ZNF160: variants seen among roughly 807,000 people sequenced by gnomAD.
The protein encoded by ZNF160 is zinc finger protein 160.
In ZNF160, 9 loss-of-function variants were observed where a neutral mutation model predicts 13.1. The ratio of observed to expected loss-of-function variants is 0.69; its 90% CI spans 0.41 to 1.20. The LOEUF is 1.20. Ranked by LOEUF, ZNF160 falls within the 50% of genes most tolerant of loss-of-function variation. The pLI, the probability that ZNF160 is intolerant of heterozygous loss-of-function variation, is 0.01. For synonymous variants in ZNF160, 293 were observed against 333.2 expected (o/e 0.88, Z 1.31); for missense variants, 838 against 988.0 (o/e 0.85, Z 2.04).
intron 5 of ZNF160, chr19:53,073,455 T>C (rs1410781902): frequency 6.3e-7 from 1 of 1,598,204 alleles, no homozygotes; most frequent in Non-Finnish European, 8.5e-7. Flanking sequence ...TCCATGAGGT[T>C]TGGGGCAGCA....
intron 3 of ZNF160, among the ~76,000 whole-genome samples, chr19:53,080,455 G>A (rs2084588163): frequency 6.6e-6 from 1 of 152,104 alleles, no homozygotes; most frequent in South Asian, 2.1e-4. Context: ...ACATCATCAA[G>A]AATGCAATCC....
chr19:53,092,871 T>C (rs906812940), intron 1 of ZNF160, among the ~76,000 whole-genome samples: 2 of 152,204 alleles, frequency 1.3e-5, no homozygotes, highest in African/African-American at 4.8e-5. Context: ...ATATGGTGTC[T>C]GGGATAGATT....
At chr19:53,097,876 TG>T (rs1276074105) in intron 1 of ZNF160, among the ~76,000 whole-genome samples, 1 of 152,118 alleles carries the variant, frequency 6.6e-6, no homozygotes, top group African/African-American at 2.4e-5. Flanking sequence ...GCGGATGCTG[TG>T]GAGCAGCTCT....
intron 1 of ZNF160, among the ~76,000 whole-genome samples, chr19:53,097,284 C>T (rs2085272766): frequency 7.2e-6 from 1 of 139,860 alleles, no homozygotes; most frequent in African/African-American, 2.8e-5. Context: ...AAATCTTTCC[C>T]TTACTCTGGG....
Position 53,075,371 on chromosome 19 carries a change from A to G in ZNF160, c.16-188T>C, listed in dbSNP as rs954799613. Reference sequence around the variant, plus strand: ...TCTCCTGACATAAGAGCTCACTTGAAATCAGTGGAGTGATAAGTATCTTTT... The same window carrying G: ...TCTCCTGACATAAGAGCTCACTTGAGATCAGTGGAGTGATAAGTATCTTTT... On this transcript the variant is annotated intron_variant, in intron 3 of 5. Coordinates refer to ENST00000683776, the MANE Select transcript of ZNF160 (RefSeq NM_001322131.2). 6.3e-6 allele frequency: 4 copies of G among 639,886 alleles called. No homozygotes were observed. In the East Asian group the frequency reaches 1.2e-4, roughly 19 times the overall value. 39.6% of individuals were successfully genotyped at this position (639,886 alleles called of 1,614,324 possible).
At position 53,086,244 on chromosome 19, in the gene ZNF160, C is replaced by T. The variant is rs1312567928; in HGVS notation, c.15+18G>A. The stretch of plus-strand genomic sequence containing the variant: ...CAGGAAGAAATAAAAGAACAATCCA[C>T]CAGGAGTATCACTTTACCTGAGTAA... On this transcript the variant is annotated intron_variant, in intron 3 of 5. Coordinates refer to ENST00000683776, the MANE Select transcript of ZNF160 (RefSeq NM_001322131.2). 6.3e-7 allele frequency: 1 copy of T among 1,581,290 alleles called. No homozygotes were observed. Among genetic ancestry groups the T allele is most frequent in the Admixed American group, 1.8e-5 (1 of 54,770 alleles).
intron 3 of ZNF160, chr19:53,077,304 C>A (rs936398617): frequency 3.3e-5 from 5 of 152,182 alleles, no homozygotes; most frequent in Non-Finnish European, 7.3e-5. Context: ...AGCATGTCTT[C>A]CCTGAAGGAA....
chr19:53,090,815 T>C (rs1568500003), intron 2 of ZNF160, among the ~76,000 whole-genome samples: 1 of 152,104 alleles, frequency 6.6e-6, no homozygotes, highest in Non-Finnish European at 1.5e-5. Flanking sequence ...GGGCGAGGCT[T>C]AGGGGACCCA....
chr19:53,081,485 A>G (rs1251994462), intron 3 of ZNF160, among the ~76,000 whole-genome samples: 1 of 152,200 alleles, frequency 6.6e-6, no homozygotes, highest in Non-Finnish European at 1.5e-5. Context: ...AAGAAGTCGT[A>G]CTATTGGCCA....
At chr19:53,101,171 T>G (rs568376706) in intron 1 of ZNF160, among the ~76,000 whole-genome samples, 2 of 151,904 alleles carry the variant, frequency 1.3e-5, no homozygotes, top group African/African-American at 2.4e-5. Flanking sequence ...TCCCAGCTAG[T>G]TGGAAGGCTG....
At position 53,068,276 on chromosome 19, in the gene ZNF160, C is replaced by A. The variant is rs772717823; in HGVS notation, c.2258G>T (p.Arg753Ile). ...GTAAGGTTTCTCCCCAGTATGAATTCTTCGGTGATTTGCCAGGTGAGCATT... is the reference window on the plus strand; with the variant it reads ...GTAAGGTTTCTCCCCAGTATGAATTATTCGGTGATTTGCCAGGTGAGCATT... ...TQNAHLANHRRIHTGEKPYRC... is the reference protein window; with the variant it reads ...TQNAHLANHRIIHTGEKPYRC... Residue 753 changes from arginine (R) to isoleucine (I), a missense_variant, in exon 6 of 6, where the codon AGA becomes ATA. Around this residue, in one of 3 missense-constraint regions of ZNF160, gnomAD observed 400 missense variants for 538.9 expected, o/e 0.74. Transcript: ENST00000683776. The A allele has an allele frequency of 1.9e-6, 3 of 1,614,000 alleles. No individual in the cohort carries two copies. The Admixed American group carries it at 5.0e-5, about 27-fold the overall frequency.
intron 3 of ZNF160, chr19:53,085,866 T>C: frequency 3.5e-6 from 2 of 571,862 alleles, no homozygotes; most frequent in East Asian, 6.0e-5. Flanking sequence ...CTTAGTGTTC[T>C]TTTCTATGCC....
chr19:53,091,843 C>T (rs905105378), intron 1 of ZNF160, 123 bp from the exon 2 acceptor site: 1 of 152,242 alleles, frequency 6.6e-6, no homozygotes, highest in Non-Finnish European at 1.5e-5. Flanking sequence ...GCAGAACCTC[C>T]TTTCCATTTC....
rs1217225222 is a variant in ZNF160 at position 53,086,259 on chromosome 19, T to C, written c.15+3A>G. On this transcript the variant is annotated splice_donor_region_variant and intron_variant, in intron 3 of 5. Coordinates refer to ENST00000683776, the MANE Select transcript of ZNF160 (RefSeq NM_001322131.2). The stretch of plus-strand genomic sequence containing the variant: ...GAACAATCCACCAGGAGTATCACTT[T>C]ACCTGAGTAAGGGCCATCCCTGACT... 1.3e-6 allele frequency: 2 copies of C among 1,589,618 alleles called. No individual in the cohort carries two copies. The highest frequency in any genetic ancestry group is 1.7e-6 in the Non-Finnish European group (2 of 1,168,606).
intron 1 of ZNF160, among the ~76,000 whole-genome samples, chr19:53,101,975 C>T (rs971950378): frequency 6.6e-6 from 1 of 152,174 alleles, no homozygotes; most frequent in African/African-American, 2.4e-5. Context: ...GGGCGCCCCT[C>T]TTTCTTTATA....
intron 4 of ZNF160, 118 bp from the exon 5 acceptor site, chr19:53,074,386 G>A: frequency 6.9e-7 from 1 of 1,455,820 alleles, no homozygotes; most frequent in Non-Finnish European, 9.1e-7. Flanking sequence ...TCATCCACTG[G>A]GCCAGGCGCG....
chr19:53,099,901 C>T (rs1479921853), intron 1 of ZNF160, among the ~76,000 whole-genome samples: 1 of 152,146 alleles, frequency 6.6e-6, no homozygotes, highest in African/African-American at 2.4e-5. Flanking sequence ...ATGACGGCCT[C>T]GAAGGGCTAA....
intron 1 of ZNF160, among the ~76,000 whole-genome samples, chr19:53,099,815 G>A (rs895580012): frequency 6.6e-6 from 1 of 152,164 alleles, no homozygotes; most frequent in Non-Finnish European, 1.5e-5. Flanking sequence ...CACGTTGCAG[G>A]TGGATTTACT....
intron 5 of ZNF160, chr19:53,073,390 CA>C (rs758334888): frequency 1.3e-6 from 2 of 1,598,368 alleles, no homozygotes; most frequent in Admixed American, 3.3e-5. Flanking sequence ...GTGGCAAAAG[CA>C]GAATGGAAGA....
Sources: allele counts gnomAD v4.1 joint callset (sites outside exome capture counted in the v4.1 genomes callset), GRCh38; gene constraint gnomAD v4.1.1; regional missense constraint gnomAD v4.1.1; transcripts MANE v1.5; gene names NCBI Gene and HGNC (gene_info 2026-07-23, HGNC 2026-07-21).